IL1RAPL2: variants seen among roughly 807,000 people sequenced by gnomAD.
IL1RAPL2 encodes the protein interleukin 1 receptor accessory protein like 2.
IL1RAPL2 carries 3 observed loss-of-function variants against 44.1 expected under a neutral mutation model. That is an observed-to-expected ratio of 0.07 (90% CI 0.03 to 0.18). IL1RAPL2 has a LOEUF of 0.18. IL1RAPL2 is among the 10% of genes least tolerant of loss of function. The pLI is 1.00. For missense variants in IL1RAPL2, 391 were observed against 496.4 expected, an observed-to-expected ratio of 0.79 and a Z score of 2.02; for synonymous variants, 181 against 178.8, an observed-to-expected ratio of 1.01 and a Z score of -0.10.
intron 2 of IL1RAPL2, among the ~76,000 whole-genome samples, chrX:104,971,240 C>T (rs181248945): frequency 6.0e-4 from 66 of 110,578 alleles, no homozygotes; most frequent in East Asian, 2.0e-3. Flanking sequence ...CCCAGCTACT[C>T]GGGATGCTGA....
chrX:105,083,490 T>C (rs1213330976), intron 2 of IL1RAPL2, among the ~76,000 whole-genome samples: 2 of 109,434 alleles, frequency 1.8e-5, no homozygotes, highest in Non-Finnish European at 3.8e-5. Flanking sequence ...CTTTGTCAAG[T>C]AGAGCGACCC....
At chrX:104,846,197 T>C (rs1416291437) in intron 2 of IL1RAPL2, among the ~76,000 whole-genome samples, 1 of 111,000 alleles carries the variant, frequency 9.0e-6, no homozygotes, top group East Asian at 2.8e-4. Context: ...GTTTGTAGGA[T>C]AGTTTTTTTT....
chrX:105,306,055 T>C (rs1034403803), intron 5 of IL1RAPL2, among the ~76,000 whole-genome samples: 2 of 111,731 alleles, frequency 1.8e-5, no homozygotes, highest in African/African-American at 6.5e-5. Flanking sequence ...GTTTAAAGCA[T>C]GATACAAGAA....
intron 2 of IL1RAPL2, among the ~76,000 whole-genome samples, chrX:104,776,154 T>C (rs769617726): frequency 5.3e-4 from 59 of 112,199 alleles, no homozygotes; most frequent in African/African-American, 1.8e-3. Context: ...AATTATGATA[T>C]ATAGGAACAT....
chrX:105,068,284 ATGT>A (rs1174158828), intron 2 of IL1RAPL2, among the ~76,000 whole-genome samples: 1 of 111,525 alleles, frequency 9.0e-6, no homozygotes, highest in East Asian at 2.8e-4. Context: ...ATCCATAGTG[ATGT>A]GTCAACCTTT....
intron 2 of IL1RAPL2, among the ~76,000 whole-genome samples, chrX:104,661,683 C>T (rs1930403364): frequency 9.0e-6 from 1 of 110,543 alleles, no homozygotes; most frequent in South Asian, 3.9e-4. Context: ...GTTACCTTAT[C>T]TTTTGAAGAA....
At chrX:104,717,992 T>C (rs1931607923) in intron 2 of IL1RAPL2, among the ~76,000 whole-genome samples, 1 of 111,382 alleles carries the variant, frequency 9.0e-6, no homozygotes, top group Admixed American at 9.6e-5. Flanking sequence ...ATTTTCTTAA[T>C]CCAGTCTATC....
intron 3 of IL1RAPL2, among the ~76,000 whole-genome samples, chrX:105,221,775 A>G (rs1786975901): frequency 8.9e-6 from 1 of 111,882 alleles, no homozygotes; most frequent in South Asian, 3.7e-4. Flanking sequence ...TTATTTTAAT[A>G]TATGCAGGAG....
intron 6 of IL1RAPL2, among the ~76,000 whole-genome samples, chrX:105,627,497 T>C (rs755536700): frequency 9.0e-6 from 1 of 111,529 alleles, no homozygotes; most frequent in African/African-American, 3.3e-5. Context: ...TTTTTAGGAA[T>C]TGACATTTGA....
intron 2 of IL1RAPL2, among the ~76,000 whole-genome samples, chrX:104,973,185 T>A (rs2030267610): frequency 9.0e-6 from 1 of 111,655 alleles, no homozygotes; most frequent in Non-Finnish European, 1.9e-5. Context: ...GGGGGCATAG[T>A]GAGGTTTGTC....
At position 105,484,365 on chromosome X, in the gene IL1RAPL2, A is replaced by C. The variant is rs1219719697; in HGVS notation, c.750A>C (p.Pro250=). The change falls in exon 6 of 11, where the codon CCA becomes CCC. Residue 250 remains proline (P), a synonymous_variant. Transcript: ENST00000372582. ...CATTGTTCCCCATGGAGAATCAGCCAAGTGTTATAGATGTCCAGCTGGGTA... is the reference window on the plus strand; with the variant it reads ...CATTGTTCCCCATGGAGAATCAGCCCAGTGTTATAGATGTCCAGCTGGGTA... The part of the protein sequence containing the change: ...PKPLFPMENQ[P]SVIDVQLGKP... 8.3e-7 allele frequency: 1 copy of C among 1,201,184 alleles called. No homozygotes were observed. The highest frequency in any genetic ancestry group is 1.1e-6 in the Non-Finnish European group (1 of 887,129).
At chrX:105,224,025 T>C (rs1452736309) in intron 3 of IL1RAPL2, among the ~76,000 whole-genome samples, 2 of 110,974 alleles carry the variant, frequency 1.8e-5, no homozygotes, top group Non-Finnish European at 3.8e-5. Flanking sequence ...ATTATAAATT[T>C]GGGTGTTTTC....
chrX:105,315,578 G>GTATATATATA (rs771525814), intron 5 of IL1RAPL2, among the ~76,000 whole-genome samples: 987 of 21,788 alleles, frequency 0.045, 177 homozygotes, highest in African/African-American at 0.046. Flanking sequence ...ACTAATGGAT[G>GTATATATATA]TATATATATA....
rs920146961 is a variant in IL1RAPL2, at chrX:105,542,056, G to A, written c.772+57669G>A. On this transcript the variant is annotated intron_variant, in intron 6 of 10. Transcript: ENST00000372582. ...GTTGTACATTCAGTTGCCTCCTCTTGTACTACTTTCACCCAGCTTCATATC... is the reference window on the plus strand; with the variant it reads ...GTTGTACATTCAGTTGCCTCCTCTTATACTACTTTCACCCAGCTTCATATC... Among the ~76,000 whole-genome samples, 19 of 111,484 alleles carry A rather than the reference G, an allele frequency of 1.7e-4. No individual in the cohort carries two copies. In the East Asian group the frequency reaches 2.3e-3, roughly 13 times the overall value.
intron 1 of IL1RAPL2, among the ~76,000 whole-genome samples, chrX:104,614,949 G>A (rs1171815298): frequency 9.0e-6 from 1 of 110,621 alleles, no homozygotes; most frequent in African/African-American, 3.3e-5. Flanking sequence ...TACCACTCTG[G>A]GCCTTTTAGA....
At chrX:104,869,610 G>A (rs138248891) in intron 2 of IL1RAPL2, among the ~76,000 whole-genome samples, 58 of 111,265 alleles carry the variant, frequency 5.2e-4, no homozygotes, top group African/African-American at 1.8e-3. Context: ...ACAACGTGCA[G>A]GTTTGTTACA....
intron 2 of IL1RAPL2, among the ~76,000 whole-genome samples, chrX:104,992,386 A>G (rs2030677611): frequency 9.0e-6 from 1 of 111,528 alleles, no homozygotes; most frequent in Non-Finnish European, 1.9e-5. Context: ...TACACCGGGT[A>G]CTTGCATTTG....
intron 6 of IL1RAPL2, among the ~76,000 whole-genome samples, chrX:105,711,948 C>G (rs151231831): frequency 1.8e-5 from 2 of 112,269 alleles, no homozygotes; most frequent in African/African-American, 6.5e-5. Flanking sequence ...GCTGGGTCCT[C>G]AAACCCTCAA....
intron 2 of IL1RAPL2, among the ~76,000 whole-genome samples, chrX:105,121,486 T>TAAA (rs2032924873): frequency 8.9e-6 from 1 of 111,829 alleles, no homozygotes. Context: ...AACAGGGCTG[T>TAAA]TGGTTATGCA....
Sources: allele counts gnomAD v4.1 joint callset (sites outside exome capture counted in the v4.1 genomes callset), GRCh38; gene constraint gnomAD v4.1.1; transcripts MANE v1.5; gene names NCBI Gene and HGNC (gene_info 2026-07-23, HGNC 2026-07-21).